UPRT: variants seen among roughly 807,000 people sequenced by gnomAD.
UPRT encodes the protein uracil phosphoribosyltransferase homolog.
Under a neutral mutation model 22.6 loss-of-function variants are expected in UPRT, and 5 were observed. That is an observed-to-expected ratio of 0.22 (90% CI 0.12 to 0.47). UPRT has a LOEUF of 0.47. UPRT is among the 20% of genes least tolerant of loss of function. The pLI is 0.99. For missense variants in UPRT, 181 were observed against 239.9 expected (o/e 0.75, Z 1.62); for synonymous variants, 77 against 87.7 (o/e 0.88, Z 0.68).
intron 1 of UPRT, among the ~76,000 whole-genome samples, chrX:75,291,806 T>A (rs1254417219): frequency 1.8e-5 from 2 of 111,088 alleles, no homozygotes; most frequent in Admixed American, 9.6e-5. Flanking sequence ...TTATTGGAGG[T>A]CAAATAGCTG....
chrX:75,250,012 A>C (rs1043611316), intron 4 of UPRT, among the ~76,000 whole-genome samples: 48 of 111,918 alleles, frequency 4.3e-4, no homozygotes, highest in Admixed American at 7.6e-4. Context: ...TTGAAAGCAA[A>C]GAGAACAAAG....
chrX:75,199,515 C>T (rs1423205683), intron 4 of UPRT, among the ~76,000 whole-genome samples: 3 of 111,169 alleles, frequency 2.7e-5, no homozygotes, highest in Non-Finnish European at 5.7e-5. Context: ...TAATCAGCAG[C>T]AATACTCAGA....
Sources: gnomAD v4.1 joint callset for allele counts (sites outside exome capture counted in the v4.1 genomes callset) on GRCh38, gnomAD v4.1.1 for gene constraint, MANE v1.5 for transcripts, NCBI Gene and HGNC (gene_info 2026-07-23, HGNC 2026-07-21) for gene names.